CCDC77: variants seen among roughly 807,000 people sequenced by gnomAD.
The protein encoded by CCDC77 is coiled-coil domain-containing protein 77.
A neutral mutation model predicts 66.8 loss-of-function variants in CCDC77; 56 were observed. That is an observed-to-expected ratio of 0.84 (90% CI 0.68 to 1.05). The LOEUF is 1.05. CCDC77 is among the 50% of genes least tolerant of loss of function. The probability of loss-of-function intolerance (pLI) is 0.00; values close to 1 mark genes in which losing one functional copy is unlikely to be tolerated. For synonymous variants in CCDC77, 196 were observed against 195.2 expected, an observed-to-expected ratio of 1.00 and a Z score of -0.03; for missense variants, 570 against 576.8, an observed-to-expected ratio of 0.99 and a Z score of 0.12.
At chr12:440,160 CT>C (rs1172281717) in intron 10 of CCDC77, among the ~76,000 whole-genome samples, 1 of 152,142 alleles carries the variant, frequency 6.6e-6, no homozygotes, top group Non-Finnish European at 1.5e-5. Flanking sequence ...GTGAACTTAG[CT>C]CTCAATAGTG....
intron 9 of CCDC77, 57 bp from the exon 10 acceptor site, chr12:438,278 G>A (rs865880800): frequency 4.3e-6 from 5 of 1,161,210 alleles, no homozygotes; most frequent in African/African-American, 3.1e-5. Flanking sequence ...AATAATCCTT[G>A]CTTTCAGGTG....
At chr12:395,887 C>CT (rs1944822952) in intron 1 of CCDC77, among the ~76,000 whole-genome samples, 1 of 151,932 alleles carries the variant, frequency 6.6e-6, no homozygotes, top group Non-Finnish European at 1.5e-5. Flanking sequence ...GAGTGAGACT[C>CT]TGTCTCAAAA....
intron 1 of CCDC77, among the ~76,000 whole-genome samples, chr12:396,117 C>T (rs1440001944): frequency 6.6e-6 from 1 of 152,046 alleles, no homozygotes; most frequent in Non-Finnish European, 1.5e-5. Context: ...ACTGGCCAGG[C>T]GAGGTGGCTC....
intron 1 of CCDC77, chr12:395,313 T>C (rs1486252893): frequency 2.0e-5 from 3 of 152,228 alleles, no homozygotes; most frequent in Non-Finnish European, 4.4e-5. Flanking sequence ...GGTTTCAAAC[T>C]ACTAAGCTCA....
At chr12:439,749 C>T (rs1333937131) in intron 10 of CCDC77, among the ~76,000 whole-genome samples, 1 of 151,074 alleles carries the variant, frequency 6.6e-6, no homozygotes, top group Non-Finnish European at 1.5e-5. Context: ...CACTGCACTC[C>T]AGCCCAGTGA....
At chr12:412,573 A>G (rs562893141) in intron 4 of CCDC77, among the ~76,000 whole-genome samples, 1 of 152,304 alleles carries the variant, frequency 6.6e-6, no homozygotes, top group East Asian at 1.9e-4. Context: ...TACCCGCTGG[A>G]TGCCAGTAAC....
chr12:440,368 A>G (rs1452890882), intron 10 of CCDC77, among the ~76,000 whole-genome samples: 2 of 152,226 alleles, frequency 1.3e-5, no homozygotes, highest in Non-Finnish European at 1.5e-5. Flanking sequence ...GAGCTCCGTT[A>G]TCTGAGTCTT....
At chr12:427,475 A>ATTTT (rs71045060) in intron 5 of CCDC77, among the ~76,000 whole-genome samples, 3 of 127,662 alleles carry the variant, frequency 2.3e-5, no homozygotes, top group Admixed American at 8.0e-5. Flanking sequence ...TAATTAATTA[A>ATTTT]TTTTTTTTTT....
intron 9 of CCDC77, among the ~76,000 whole-genome samples, chr12:435,292 C>T (rs1279739858): frequency 6.6e-6 from 1 of 151,798 alleles, no homozygotes; most frequent in Non-Finnish European, 1.5e-5. Context: ...TGTGTTTCAT[C>T]TAGTTTCATG....
At chr12:415,813 A>ATTTTATTTTG (rs1170385508) in intron 4 of CCDC77, among the ~76,000 whole-genome samples, 2 of 150,064 alleles carry the variant, frequency 1.3e-5, no homozygotes, top group African/African-American at 4.9e-5. Context: ...TTTATTTTTT[A>ATTTTATTTTG]TTTTATTTTG....
chr12:430,833 C>T (rs11062942), intron 7 of CCDC77, 97 bp downstream of exon 7: 1 of 910,950 alleles, frequency 1.1e-6, no homozygotes, highest in East Asian at 2.6e-5. Flanking sequence ...AATCCCAGCA[C>T]TTTGGGAGGC....
intron 3 of CCDC77, among the ~76,000 whole-genome samples, chr12:410,492 T>C (rs1945085785): frequency 6.6e-6 from 1 of 150,562 alleles, no homozygotes; most frequent in Admixed American, 6.7e-5. Context: ...GGTCTTGAAC[T>C]CCTGACCTCA....
At chr12:410,841 C>T (rs1591965722) in intron 3 of CCDC77, among the ~76,000 whole-genome samples, 1 of 152,192 alleles carries the variant, frequency 6.6e-6, no homozygotes, top group African/African-American at 2.4e-5. Context: ...CCACTGCACC[C>T]GGCCTGCAAT....
chr12:418,685 T>A (rs1274254661), intron 5 of CCDC77, 49 bp downstream of exon 5: 10 of 1,384,104 alleles, frequency 7.2e-6, no homozygotes, highest in Non-Finnish European at 1.0e-5. Context: ...TAAATTACAT[T>A]CATTCATTCA....
chr12:424,897 G>T (rs2137588551), intron 5 of CCDC77, among the ~76,000 whole-genome samples: 1 of 149,976 alleles, frequency 6.7e-6, no homozygotes, highest in East Asian at 2.0e-4. Flanking sequence ...TTGTTGAGAA[G>T]ACTTAGCCAC....
At chr12:413,626 A>AT (rs573170612) in intron 4 of CCDC77, among the ~76,000 whole-genome samples, 2,450 of 115,482 alleles carry the variant, frequency 0.021, 100 homozygotes, top group African/African-American at 0.058. Context: ...ACTGAATGGG[A>AT]TTTTTTTTTT....
intron 10 of CCDC77, among the ~76,000 whole-genome samples, chr12:439,469 G>A (rs1302584114): frequency 6.6e-6 from 1 of 150,916 alleles, no homozygotes; most frequent in Non-Finnish European, 1.5e-5. Flanking sequence ...GCAGTGAGCT[G>A]AGATCATGCG....
At chr12:419,481 C>A (rs1591978043) in intron 5 of CCDC77, among the ~76,000 whole-genome samples, 1 of 132,720 alleles carries the variant, frequency 7.5e-6, no homozygotes, top group Non-Finnish European at 1.6e-5. Flanking sequence ...GCAGCACACT[C>A]CATGTTCCAT....
chr12:398,299 T>A (rs1182246294), upstream of CCDC77, among the ~76,000 whole-genome samples: 1 of 152,220 alleles, frequency 6.6e-6, no homozygotes, highest in Non-Finnish European at 1.5e-5. Flanking sequence ...CCCTTTGTTG[T>A]CATTTTGGCA....
Sources: gnomAD v4.1 joint callset for allele counts (sites outside exome capture counted in the v4.1 genomes callset) on GRCh38, gnomAD v4.1.1 for gene constraint, MANE v1.5 for transcripts, NCBI Gene and HGNC (gene_info 2026-07-23, HGNC 2026-07-21) for gene names.